Variants in PRKG2 observed in about 807,000 individuals in gnomAD.
PRKG2 encodes the protein protein kinase cGMP-dependent 2, also known as cGMP-dependent protein kinase 2.
PRKG2 carries 33 observed loss-of-function variants against 97.2 expected under a neutral mutation model. That is an observed-to-expected ratio of 0.34 (90% CI 0.26 to 0.45). PRKG2 has a LOEUF of 0.45. PRKG2 is among the 20% of genes least tolerant of loss of function. The pLI is 1.00. For missense variants in PRKG2, 638 were observed against 900.0 expected (o/e 0.71, Z 3.73); for synonymous variants, 330 against 321.8 (o/e 1.03, Z -0.27).
chr4:81,088,946 C>A lies in PRKG2; in HGVS notation c.*762G>T, dbSNP rs531023712. 2 of 152,292 alleles carry A rather than the reference C, an allele frequency of 1.3e-5. No individual in the cohort carries two copies. The highest frequency in any genetic ancestry group is 4.8e-5 in the African/African-American group (2 of 41,584). 9.4% of individuals were successfully genotyped at this position (152,292 alleles called of 1,614,324 possible). Reference sequence around the variant, plus strand: ...GTGAAAATATTTTAGCATCATTTAACCACACATTGTAACTATCTTTAACAA... The same window carrying A: ...GTGAAAATATTTTAGCATCATTTAAACACACATTGTAACTATCTTTAACAA... On this transcript the variant is annotated 3_prime_UTR_variant, in exon 19 of 19. Transcript: ENST00000264399.
chr4:81,092,784 G>T (rs1741712042), intron 17 of PRKG2, among the ~76,000 whole-genome samples: 1 of 152,064 alleles, frequency 6.6e-6, no homozygotes. Flanking sequence ...TCTTCCAGTT[G>T]CTCAAACCAA....
chr4:81,193,878 T>C (rs766914993), intron 2 of PRKG2, among the ~76,000 whole-genome samples: 1 of 152,014 alleles, frequency 6.6e-6, no homozygotes. Context: ...AAACTGTATA[T>C]TTAAGACCTA....
chr4:81,136,325 C>G (rs2110029510), intron 13 of PRKG2, among the ~76,000 whole-genome samples: 1 of 152,214 alleles, frequency 6.6e-6, no homozygotes, highest in South Asian at 2.1e-4. Flanking sequence ...TTTACTGGAC[C>G]CCATCCCAGA....
At chr4:81,216,382 T>G (rs79758829), upstream of PRKG2, among the ~76,000 whole-genome samples, 23 of 148,808 alleles carry the variant, frequency 1.5e-4, no homozygotes, top group Middle Eastern at 3.5e-3. Flanking sequence ...AAAAAAAAAT[T>G]AGAGGAGAAA....
At chr4:81,137,322 C>T (rs1746808022) in intron 13 of PRKG2, 71 bp downstream of exon 13, 16 of 1,096,174 alleles carry the variant, frequency 1.5e-5, no homozygotes, top group Non-Finnish European at 2.2e-5. Context: ...TAATGATTTC[C>T]TCTATGCCTT....
At chr4:81,156,965 C>A (rs1160108022) in intron 6 of PRKG2, among the ~76,000 whole-genome samples, 3 of 152,026 alleles carry the variant, frequency 2.0e-5, no homozygotes, top group Non-Finnish European at 4.4e-5. Context: ...TAAATGCCCA[C>A]AAGAGAAAGC....
At position 81,105,920 on chromosome 4, in the gene PRKG2, C is replaced by G. The variant is rs1743284820; in HGVS notation, c.1956G>C (p.Gly652=). 6.2e-7 allele frequency: 1 copy of G among 1,613,342 alleles called. No individual in the cohort carries two copies. Among genetic ancestry groups the G allele is most frequent in the South Asian group, 1.1e-5 (1 of 91,024 alleles). The change falls in exon 16 of 19, where the codon GGG becomes GGC. Residue 652 remains glycine (G), a synonymous_variant. Transcript: ENST00000264399. ...ELLTGNPPFS[G]VDQMMTYNLI... ...AATTGTAGGTCATCATTTGGTCAACCCCAGAAAAGGGTGGGCTAGATAGAG... is the reference window on the plus strand; with the variant it reads ...AATTGTAGGTCATCATTTGGTCAACGCCAGAAAAGGGTGGGCTAGATAGAG...
intron 14 of PRKG2, among the ~76,000 whole-genome samples, chr4:81,131,502 G>A (rs936050989): frequency 6.6e-6 from 1 of 152,212 alleles, no homozygotes; most frequent in Middle Eastern, 3.4e-3. Context: ...TGATTTGTAG[G>A]AGTTCTTTAC....
chr4:81,160,940 G>T (rs1390332299), intron 6 of PRKG2, among the ~76,000 whole-genome samples: 1 of 152,106 alleles, frequency 6.6e-6, no homozygotes, highest in Non-Finnish European at 1.5e-5. Flanking sequence ...ACAGAACTAA[G>T]ATGGATCTCT....
chr4:81,102,051 G>A (rs964415269), intron 17 of PRKG2, among the ~76,000 whole-genome samples: 3 of 152,090 alleles, frequency 2.0e-5, no homozygotes, highest in Admixed American at 6.6e-5. Flanking sequence ...CTACACAACC[G>A]AAGACACCGT....
At chr4:81,106,929 T>C (rs781008120) in intron 15 of PRKG2, among the ~76,000 whole-genome samples, 82 of 152,172 alleles carry the variant, frequency 5.4e-4, no homozygotes, top group Non-Finnish European at 1.0e-3. Flanking sequence ...GGTAACCTGA[T>C]CTGGGACTTC....
chr4:81,166,340 T>C (rs1749985553), intron 6 of PRKG2, among the ~76,000 whole-genome samples: 1 of 152,090 alleles, frequency 6.6e-6, no homozygotes, highest in Admixed American at 6.6e-5. Context: ...AGAACAGCTT[T>C]ATAAAAGCTT....
intron 6 of PRKG2, chr4:81,154,192 G>A (rs1321224393): frequency 1.2e-5 from 2 of 164,086 alleles, no homozygotes; most frequent in South Asian, 1.9e-4. Flanking sequence ...GAGGCTCGGG[G>A]AGGGGCGCCC....
intron 14 of PRKG2, among the ~76,000 whole-genome samples, chr4:81,129,724 T>G (rs1263976995): frequency 6.6e-6 from 1 of 152,206 alleles, no homozygotes; most frequent in Non-Finnish European, 1.5e-5. Flanking sequence ...AGCCTATGTG[T>G]GTCTTTGCAC....
At chr4:81,138,261 C>A (rs1411839589) in intron 12 of PRKG2, among the ~76,000 whole-genome samples, 2 of 152,170 alleles carry the variant, frequency 1.3e-5, no homozygotes, top group African/African-American at 4.8e-5. Flanking sequence ...GTAGGCAGGG[C>A]ATCACATTTC....
chr4:81,142,741 C>CA (rs1006385579), intron 11 of PRKG2, 53 bp downstream of exon 11: 251 of 1,451,962 alleles, frequency 1.7e-4, no homozygotes, highest in South Asian at 7.4e-4. Flanking sequence ...GAATATAAAA[C>CA]AAAAAAAAAG....
rs552511759 is a variant in PRKG2, at chr4:81,155,478, G to A, written c.913-1757C>T. 4.2e-4 allele frequency among the ~76,000 whole-genome samples: 64 copies of A among 152,254 alleles called. 3 individuals are homozygous for A. The highest frequency in any genetic ancestry group is 1.4e-3 in the African/African-American group (59 of 41,550). ...TTGGTGTACCTGAAAGTGATGGGGA[G>A]AACGGAACCAAGTTGGAAAACACTC... On this transcript the variant is annotated intron_variant, in intron 6 of 18. Coordinates refer to ENST00000264399, the MANE Select transcript of PRKG2 (RefSeq NM_006259.3).
intron 1 of PRKG2, among the ~76,000 whole-genome samples, chr4:81,205,688 G>A (rs963853670): frequency 2.6e-5 from 4 of 152,142 alleles, no homozygotes; most frequent in African/African-American, 9.7e-5. Context: ...TTTTAAAATT[G>A]TTCTGCATCC....
chr4:81,093,528 G>A (rs1428841018), intron 17 of PRKG2, among the ~76,000 whole-genome samples: 1 of 152,112 alleles, frequency 6.6e-6, no homozygotes, highest in African/African-American at 2.4e-5. Context: ...AGCTCCATGA[G>A]GGCAGAGATT....
Sources: gnomAD v4.1 joint callset for allele counts (sites outside exome capture counted in the v4.1 genomes callset) on GRCh38, gnomAD v4.1.1 for gene constraint, MANE v1.5 for transcripts, NCBI Gene and HGNC (gene_info 2026-07-23, HGNC 2026-07-21) for gene names.